Variants in CCSER1 observed in about 807,000 individuals in gnomAD.
CCSER1 encodes the protein coiled-coil serine rich protein 1, also known as serine-rich coiled-coil domain-containing protein 1.
Under a neutral mutation model 82.0 loss-of-function variants are expected in CCSER1, and 41 were observed. The observed-to-expected ratio is 0.50, with a 90% CI of 0.39 to 0.65. CCSER1 has a LOEUF of 0.65. Ranked by LOEUF, CCSER1 falls within the 30% of genes least tolerant of loss-of-function variation. CCSER1 has a pLI of 0.00. For synonymous variants in CCSER1, 414 were observed against 383.9 expected, an observed-to-expected ratio of 1.08 and a Z score of -0.92; for missense variants, 1,119 against 1,064.2, an observed-to-expected ratio of 1.05 and a Z score of -0.72.
chr4:90,340,000 A>C (rs576139415), intron 3 of CCSER1, among the ~76,000 whole-genome samples: 1 of 152,096 alleles, frequency 6.6e-6, no homozygotes, highest in Non-Finnish European at 1.5e-5. Flanking sequence ...AGAAAGAAAA[A>C]GTAAATAATC....
Position 90,988,265 on chromosome 4 carries a change from G to T in CCSER1, c.2172+64818G>T, listed in dbSNP as rs185769679. Among the ~76,000 whole-genome samples, 101 of 134,618 alleles carry T rather than the reference G, an allele frequency of 7.5e-4. 1 individual carries two copies. In the East Asian group the frequency reaches 0.023, roughly 31 times the overall value. 88.3% of individuals were successfully genotyped at this position (134,618 alleles called of 152,430 possible). ...CAGGAGGATCCCTTGAGCCAGGAAG[G>T]TCAAGACTGCAGTTAACCATGATTG... On this transcript the variant is annotated intron_variant, in intron 9 of 10. Coordinates refer to ENST00000509176, the MANE Select transcript of CCSER1 (RefSeq NM_001145065.2).
Position 90,720,397 on chromosome 4 carries a change from G to C in CCSER1, c.1933-3517G>C, listed in dbSNP as rs367658186. Among the ~76,000 whole-genome samples the C allele has an allele frequency of 1.6e-4, 25 of 151,716 alleles. No individual in the cohort carries two copies. In the East Asian group the frequency reaches 2.5e-3, roughly 15 times the overall value. ...CCACAGAATCAGAAGAAAAACATAA[G>C]ACTTATACAATAAAATATTTATAAT... On this transcript the variant is annotated intron_variant, in intron 6 of 10. Coordinates refer to ENST00000509176, the MANE Select transcript of CCSER1 (RefSeq NM_001145065.2).
At chr4:90,292,674 TA>T (rs756780657) in intron 1 of CCSER1, among the ~76,000 whole-genome samples, 8 of 150,828 alleles carry the variant, frequency 5.3e-5, no homozygotes, top group Admixed American at 2.6e-4. Context: ...AGCACTTACT[TA>T]AAAAAAAAGC....
intron 10 of CCSER1, among the ~76,000 whole-genome samples, chr4:91,560,405 A>C (rs985024288): frequency 6.6e-6 from 1 of 151,528 alleles, no homozygotes; most frequent in African/African-American, 2.4e-5. Context: ...TTAGTAATTA[A>C]ATGTTGACTA....
intron 5 of CCSER1, among the ~76,000 whole-genome samples, chr4:90,480,144 T>G (rs990790705): frequency 2.0e-5 from 3 of 152,246 alleles, no homozygotes; most frequent in African/African-American, 7.2e-5. Flanking sequence ...TGAGCATTTT[T>G]TCATGTGTTT....
intron 5 of CCSER1, among the ~76,000 whole-genome samples, chr4:90,606,752 A>C (rs1195892223): frequency 6.6e-6 from 1 of 152,198 alleles, no homozygotes; most frequent in East Asian, 1.9e-4. Flanking sequence ...AGAGATAATA[A>C]TGATCAGTGG....
chr4:91,521,702 T>A (rs1760482106), intron 10 of CCSER1, among the ~76,000 whole-genome samples: 1 of 152,146 alleles, frequency 6.6e-6, no homozygotes, highest in South Asian at 2.1e-4. Flanking sequence ...CTGTTCATAT[T>A]CTTTGCCCAC....
rs1744365735 is a variant in CCSER1 at position 91,298,145 on chromosome 4, G to T, written c.2217+212151G>T. 2.0e-5 allele frequency among the ~76,000 whole-genome samples: 3 copies of T among 152,118 alleles called. 1 individual carries two copies. In the South Asian group the frequency reaches 6.2e-4, roughly 32 times the overall value. On this transcript the variant is annotated intron_variant, in intron 10 of 10. Coordinates refer to ENST00000509176, the MANE Select transcript of CCSER1 (RefSeq NM_001145065.2). ...AACTGTGATTATGAGATACAGTAAA[G>T]GGGCTATCAAGTAGAAATAAGTATT... is the stretch of plus-strand genomic sequence containing the variant.
intron 1 of CCSER1, among the ~76,000 whole-genome samples, chr4:90,208,358 A>C (rs1578498621): frequency 6.6e-6 from 1 of 152,132 alleles, no homozygotes. Flanking sequence ...TCCCCCAACC[A>C]AGCTCAAGTG....
chr4:90,839,020 A>G, intron 8 of CCSER1: 1 of 1,612,444 alleles, frequency 6.2e-7, no homozygotes, highest in South Asian at 1.1e-5. Context: ...TCTCAGCCAT[A>G]TCGGGTTTGT....
chr4:90,903,623 C>G (rs1015278681), intron 8 of CCSER1, among the ~76,000 whole-genome samples: 1 of 152,106 alleles, frequency 6.6e-6, no homozygotes, highest in African/African-American at 2.4e-5. Flanking sequence ...CTTTCAGGCA[C>G]CACAATATGA....
At chr4:91,368,484 A>G (rs1047509331) in intron 10 of CCSER1, among the ~76,000 whole-genome samples, 4 of 152,172 alleles carry the variant, frequency 2.6e-5, no homozygotes, top group Admixed American at 2.6e-4. Context: ...TGGCAGAATT[A>G]TGCATTTTTC....
At chr4:91,024,112 T>G (rs1228585964) in intron 9 of CCSER1, among the ~76,000 whole-genome samples, 1 of 152,100 alleles carries the variant, frequency 6.6e-6, no homozygotes, top group Admixed American at 6.6e-5. Context: ...TCCCTTCCCG[T>G]GATAACCCAT....
At chr4:90,195,289 A>G (rs1736396331) in intron 1 of CCSER1, among the ~76,000 whole-genome samples, 1 of 152,092 alleles carries the variant, frequency 6.6e-6, no homozygotes, top group Non-Finnish European at 1.5e-5. Flanking sequence ...TAATCAAGCC[A>G]TGTAAAGACG....
At chr4:91,329,253 C>T (rs1578203096) in intron 10 of CCSER1, among the ~76,000 whole-genome samples, 1 of 152,010 alleles carries the variant, frequency 6.6e-6, no homozygotes, top group East Asian at 1.9e-4. Context: ...ATCTTATATC[C>T]AGCAATGCTG....
rs535184500 is a variant in CCSER1, at chr4:91,468,386, G to C, written c.2218-130186G>C. On this transcript the variant is annotated intron_variant, in intron 10 of 10. Coordinates refer to ENST00000509176, the MANE Select transcript of CCSER1 (RefSeq NM_001145065.2). ...AGGGAGGGGAGAGGGATAGCATTAGGAGATATACCTAATATAAATGATGAG... is the reference window on the plus strand; with the variant it reads ...AGGGAGGGGAGAGGGATAGCATTAGCAGATATACCTAATATAAATGATGAG... 3.3e-5 allele frequency among the ~76,000 whole-genome samples: 5 copies of C among 152,136 alleles called. No homozygotes were observed. The South Asian group carries it at 1.0e-3, about 32-fold the overall frequency.
intron 9 of CCSER1, among the ~76,000 whole-genome samples, chr4:91,057,895 A>G (rs930383044): frequency 2.0e-5 from 3 of 152,070 alleles, no homozygotes; most frequent in Non-Finnish European, 2.9e-5. Context: ...GTGTCATAAA[A>G]CCTATATAAG....
chr4:90,350,998 T>C (rs1277141449), intron 3 of CCSER1, among the ~76,000 whole-genome samples: 3 of 152,252 alleles, frequency 2.0e-5, no homozygotes, highest in Admixed American at 1.3e-4. Context: ...AAATGACTTA[T>C]AGTACTAATA....
chr4:90,827,114 GA>G (rs1238279748), intron 8 of CCSER1, among the ~76,000 whole-genome samples: 1 of 149,510 alleles, frequency 6.7e-6, no homozygotes, highest in Non-Finnish European at 1.5e-5. Context: ...AAGGCTACTT[GA>G]ATTAAGGTGT....
Sources: gnomAD v4.1 joint callset for allele counts (sites outside exome capture counted in the v4.1 genomes callset) on GRCh38, gnomAD v4.1.1 for gene constraint, MANE v1.5 for transcripts, NCBI Gene and HGNC (gene_info 2026-07-23, HGNC 2026-07-21) for gene names.